The following FOXP1 variants were observed in gnomAD, a reference collection of about 807,000 sequenced individuals.
FOXP1 encodes the protein forkhead box protein P1.
In FOXP1, 15 loss-of-function variants were observed where a neutral mutation model predicts 98.2. The observed-to-expected ratio is 0.15, with a 90% CI of 0.10 to 0.24. The LOEUF is 0.24. FOXP1 is among the 10% of genes least tolerant of loss of function. The probability of loss-of-function intolerance (pLI) is 1.00; values close to 1 mark genes in which losing one functional copy is unlikely to be tolerated. For missense variants in FOXP1, 633 were observed against 848.5 expected (o/e 0.75, Z 3.15); for synonymous variants, 371 against 314.5 (o/e 1.18, Z -1.90).
At chr3:70,961,319 C>A (rs1222291580) in intron 20 of FOXP1, among the ~76,000 whole-genome samples, 2 of 152,074 alleles carry the variant, frequency 1.3e-5, no homozygotes, top group Non-Finnish European at 2.9e-5. Flanking sequence ...CAACCTCCAA[C>A]CCCCAGGCTC....
chr3:71,172,339 C>T (rs902564711), intron 6 of FOXP1, among the ~76,000 whole-genome samples: 3 of 152,168 alleles, frequency 2.0e-5, no homozygotes, highest in Admixed American at 2.0e-4. Context: ...GGAACTAAAT[C>T]CCTGCAGTCC....
At chr3:71,258,768 A>T (rs1220201280) in intron 5 of FOXP1, among the ~76,000 whole-genome samples, 4 of 152,196 alleles carry the variant, frequency 2.6e-5, no homozygotes, top group Non-Finnish European at 4.4e-5. Context: ...GAACTGAAGC[A>T]ATTCTGTGTC....
chr3:71,320,549 T>A (rs1218435232), intron 4 of FOXP1, among the ~76,000 whole-genome samples: 1 of 152,116 alleles, frequency 6.6e-6, no homozygotes, highest in Non-Finnish European at 1.5e-5. Flanking sequence ...AACCTCCCTT[T>A]AGATCAATGT....
In FOXP1 at chr3:71,311,952, C is replaced by A. The variant is rs143867066; in HGVS notation, c.-72-12072G>T. On this transcript the variant is annotated intron_variant, in intron 4 of 20. Transcript: ENST00000649528. ...ACTATGACCCAAGGCGAGGCTTCCC[C>A]AAAGCTCACCACCTCTCTAGCTCCC... is the stretch of plus-strand genomic sequence containing the variant. 2.7e-3 allele frequency among the ~76,000 whole-genome samples: 415 copies of A among 152,298 alleles called. 2 individuals are homozygous for A. Among genetic ancestry groups the A allele is most frequent in the African/African-American group, 9.4e-3 (390 of 41,556 alleles).
rs551479431 is a variant in FOXP1 at position 71,035,154 on chromosome 3, T to C, written c.869+6174A>G. Among the ~76,000 whole-genome samples the C allele has an allele frequency of 3.9e-5, 6 of 152,256 alleles. No individual in the cohort carries two copies. The South Asian group carries it at 1.2e-3, about 32-fold the overall frequency. ...GCCAGAGACTGAGTTTCTAACAAGC[T>C]TCCAGGTCACAGCAGAGCTGCTGGT... is the stretch of plus-strand genomic sequence containing the variant. On this transcript the variant is annotated intron_variant, in intron 11 of 20. Coordinates refer to ENST00000649528, the MANE Select transcript of FOXP1 (RefSeq NM_001349338.3).
At chr3:70,968,366 T>G (rs2035430690) in intron 19 of FOXP1, 2 of 137,932 alleles carry the variant, frequency 1.4e-5, no homozygotes, top group African/African-American at 3.3e-5. Flanking sequence ...ACAAAGTGTT[T>G]TTTTTTTTTT....
intron 2 of FOXP1, among the ~76,000 whole-genome samples, chr3:71,575,043 G>A (rs2047619515): frequency 6.6e-6 from 1 of 152,058 alleles, no homozygotes; most frequent in Admixed American, 6.5e-5. Flanking sequence ...CACTTTGGTG[G>A]GCATCAGGAC....
chr3:71,130,530 G>A (rs746927141), intron 6 of FOXP1: 36 of 1,598,300 alleles, frequency 2.3e-5, no homozygotes, highest in Non-Finnish European at 2.9e-5. Flanking sequence ...AAGGGAGCCC[G>A]TACTGTCTGC....
chr3:71,406,015 C>T (rs2082293656), intron 3 of FOXP1, among the ~76,000 whole-genome samples: 1 of 152,142 alleles, frequency 6.6e-6, no homozygotes, highest in African/African-American at 2.4e-5. Context: ...CAGGTGTGAG[C>T]CACCACGCCC....
chr3:71,365,711 G>A (rs1307632885), intron 3 of FOXP1, among the ~76,000 whole-genome samples: 1 of 152,214 alleles, frequency 6.6e-6, no homozygotes, highest in Non-Finnish European at 1.5e-5. Flanking sequence ...CCGGCTGGGT[G>A]CGGTGGCTCA....
intron 3 of FOXP1, among the ~76,000 whole-genome samples, chr3:71,416,370 T>C (rs1249310013): frequency 1.3e-5 from 2 of 152,028 alleles, no homozygotes; most frequent in Non-Finnish European, 2.9e-5. Context: ...ACCCCATCTC[T>C]ACAGACAATT....
At chr3:71,495,958 C>G (rs2091377840) in intron 2 of FOXP1, among the ~76,000 whole-genome samples, 1 of 152,154 alleles carries the variant, frequency 6.6e-6, no homozygotes, top group African/African-American at 2.4e-5. Flanking sequence ...GAGAAATCCT[C>G]ACTTTATCAG....
At chr3:71,180,491 A>G (rs979500803) in intron 6 of FOXP1, among the ~76,000 whole-genome samples, 9 of 152,166 alleles carry the variant, frequency 5.9e-5, no homozygotes, top group Non-Finnish European at 4.4e-5. Flanking sequence ...AAAAAAATAG[A>G]CATGCCAATA....
intron 2 of FOXP1, chr3:71,568,048 GGAGGGGAGGGGAAGAGGGGGGGAGGA>G (rs1304209323): frequency 8.3e-6 from 1 of 120,178 alleles, no homozygotes; most frequent in Non-Finnish European, 1.8e-5. Context: ...GGAGGGGAGG[GGAGGGGAGGGGAAGAGGGGGGGAGGA>G]GAGGGGAGGG....
intron 6 of FOXP1, among the ~76,000 whole-genome samples, chr3:71,156,187 G>T (rs186580700): frequency 1.9e-4 from 29 of 152,262 alleles, no homozygotes; most frequent in Non-Finnish European, 3.7e-4. Flanking sequence ...CCAGGGGGAG[G>T]GGGGGTGAAA....
intron 3 of FOXP1, among the ~76,000 whole-genome samples, chr3:71,469,836 G>T (rs1700802108): frequency 6.6e-6 from 1 of 152,132 alleles, no homozygotes. Flanking sequence ...GCACACAGAT[G>T]ATGTGCAGTA....
At chr3:71,017,352 T>G (rs757642258) in intron 11 of FOXP1, among the ~76,000 whole-genome samples, 12 of 151,848 alleles carry the variant, frequency 7.9e-5, no homozygotes, top group Non-Finnish European at 1.5e-4. Flanking sequence ...AAGAAAATAA[T>G]TTAAAAAGAA....
chr3:71,517,592 C>T (rs1265446181), intron 2 of FOXP1, among the ~76,000 whole-genome samples: 2 of 152,174 alleles, frequency 1.3e-5, no homozygotes, highest in Admixed American at 6.5e-5. Context: ...GGCCAGCATT[C>T]CAGGAACACT....
chr3:71,474,347 G>A (rs1257406270), intron 3 of FOXP1, among the ~76,000 whole-genome samples: 1 of 152,144 alleles, frequency 6.6e-6, no homozygotes, highest in Non-Finnish European at 1.5e-5. Flanking sequence ...TTTGAAGAAA[G>A]ATAAATTATG....
Sources: gnomAD v4.1 joint callset for allele counts (sites outside exome capture counted in the v4.1 genomes callset) on GRCh38, gnomAD v4.1.1 for gene constraint, MANE v1.5 for transcripts, NCBI Gene and HGNC (gene_info 2026-07-23, HGNC 2026-07-21) for gene names.